MTAP: variants seen among roughly 807,000 people sequenced by gnomAD.
MTAP encodes methylthioadenosine phosphorylase.
A neutral mutation model predicts 33.6 loss-of-function variants in MTAP; 33 were observed. The ratio of observed to expected loss-of-function variants is 0.98; its 90% CI spans 0.74 to 1.31. The LOEUF is 1.31. Among genes scored for constraint, MTAP ranks in the 40% most tolerant of loss-of-function variants. The pLI is 0.00. For missense variants in MTAP, 367 were observed against 360.0 expected (o/e 1.02, Z -0.16); for synonymous variants, 148 against 125.7 (o/e 1.18, Z -1.19).
intron 1 of MTAP, among the ~76,000 whole-genome samples, chr9:21,888,969 G>T (rs982825060): frequency 2.6e-5 from 4 of 152,122 alleles, no homozygotes; most frequent in Non-Finnish European, 5.9e-5. Context: ...AGCTAGAAGA[G>T]AGTGGGGTCC....
At chr9:21,853,324 G>C (rs969388366) in intron 5 of MTAP, among the ~76,000 whole-genome samples, 1 of 152,090 alleles carries the variant, frequency 6.6e-6, no homozygotes, top group African/African-American at 2.4e-5. Context: ...TAGAGATTTA[G>C]GCTTTTGCAT....
chr9:21,940,909 C>T, downstream of MTAP: 1 of 657,512 alleles, frequency 1.5e-6, no homozygotes, highest in Non-Finnish European at 1.9e-6. Flanking sequence ...GCCTTTCTTC[C>T]CCCAACCCCC....
downstream of MTAP, among the ~76,000 whole-genome samples, chr9:21,869,160 A>G (rs1274398015): frequency 1.3e-5 from 2 of 152,050 alleles, no homozygotes; most frequent in African/African-American, 4.8e-5. Context: ...GTGCTGGCTC[A>G]TTTTTAAGCT....
At chr9:21,859,977 T>A (rs887593995) in intron 7 of MTAP, 1 of 152,296 alleles carries the variant, frequency 6.6e-6, no homozygotes, top group Non-Finnish European at 1.5e-5. Flanking sequence ...TTGGGCACTT[T>A]GTGACTCTTC....
At chr9:21,930,523 CCTT>C in intron 1 of MTAP, 1 of 257,772 alleles carries the variant, frequency 3.9e-6, no homozygotes, top group Non-Finnish European at 7.2e-6. Context: ...AATTAATTCC[CCTT>C]CTTATGGGCC....
At chr9:21,919,500 A>G (rs1270270146) in intron 1 of MTAP, among the ~76,000 whole-genome samples, 2 of 152,194 alleles carry the variant, frequency 1.3e-5, no homozygotes, top group East Asian at 3.8e-4. Flanking sequence ...TTTGTAAACC[A>G]CTTTTGGATC....
intron 1 of MTAP, among the ~76,000 whole-genome samples, chr9:21,900,719 A>T (rs1818377455): frequency 6.6e-6 from 1 of 152,366 alleles, no homozygotes; most frequent in East Asian, 1.9e-4. Context: ...ATGCATGCTT[A>T]TGTTCATCAC....
At chr9:21,847,411 G>C (rs2118432011) in intron 5 of MTAP, among the ~76,000 whole-genome samples, 1 of 152,300 alleles carries the variant, frequency 6.6e-6, no homozygotes, top group South Asian at 2.1e-4. Flanking sequence ...GGAGTTGACT[G>C]CTTAATATGA....
At chr9:21,870,225 A>C (rs986734667), downstream of MTAP, among the ~76,000 whole-genome samples, 21 of 152,236 alleles carry the variant, frequency 1.4e-4, no homozygotes, top group Non-Finnish European at 2.8e-4. Flanking sequence ...AAGGACTCTT[A>C]CAAGCACAGC....
At chr9:21,929,591 G>T (rs2188125) in intron 1 of MTAP, 202,400 of 337,438 alleles carry the variant, frequency 0.6, 67,646 homozygotes, top group Non-Finnish European at 0.75. Context: ...TGCTGGTTAT[G>T]TACTAGCTCT....
chr9:21,908,078 G>A (rs1159845437), intron 1 of MTAP, among the ~76,000 whole-genome samples: 2 of 152,096 alleles, frequency 1.3e-5, no homozygotes, highest in Non-Finnish European at 2.9e-5. Context: ...TCACCACAAG[G>A]ATCCCTGAAG....
At chr9:21,882,815 AT>A (rs1818036455) in intron 1 of MTAP, among the ~76,000 whole-genome samples, 5 of 152,056 alleles carry the variant, frequency 3.3e-5, no homozygotes, top group Admixed American at 3.3e-4. Context: ...GTAAAAAATA[AT>A]TTTAAAAATT....
rs773963882 is a variant in MTAP at position 21,802,801 on chromosome 9, C to T, written c.33+20C>T. 14 of 1,612,674 alleles carry T rather than the reference C, an allele frequency of 8.7e-6. No homozygotes were observed. Among genetic ancestry groups the T allele is most frequent in the Non-Finnish European group, 1.2e-5 (14 of 1,179,682 alleles). On this transcript the variant is annotated intron_variant, in intron 1 of 7. Coordinates refer to ENST00000644715, the MANE Select transcript of MTAP (RefSeq NM_002451.4). ...GTGAAGGTGAGATGAGCCCTCCCAG[C>T]CGCAGCGGTTCGCCCTGCCGGATGC...
chr9:21,911,823 AAAATC>A (rs899892193), intron 1 of MTAP, among the ~76,000 whole-genome samples: 57 of 152,334 alleles, frequency 3.7e-4, no homozygotes, highest in African/African-American at 1.3e-3. Context: ...ACCCATCAAA[AAAATC>A]AATGAATCCA....
At chr9:21,882,632 CTT>C (rs112116216) in intron 1 of MTAP, among the ~76,000 whole-genome samples, 4,499 of 151,964 alleles carry the variant, frequency 0.03, 180 homozygotes, top group African/African-American at 0.082. Context: ...AATTATCAAA[CTT>C]GATTAAGTAA....
chr9:21,830,693 C>G (rs557714836), intron 4 of MTAP, among the ~76,000 whole-genome samples: 7 of 152,196 alleles, frequency 4.6e-5, no homozygotes, highest in Non-Finnish European at 1.0e-4. Flanking sequence ...GTATGCACAC[C>G]TGGCTCTCAC....
intron 2 of MTAP, among the ~76,000 whole-genome samples, chr9:21,815,838 A>T (rs995213914): frequency 6.6e-6 from 1 of 152,208 alleles, no homozygotes; most frequent in Non-Finnish European, 1.5e-5. Flanking sequence ...CTACATTCAA[A>T]TCTTCTAATT....
chr9:21,900,381 A>G (rs1818371205), intron 1 of MTAP, among the ~76,000 whole-genome samples: 1 of 152,228 alleles, frequency 6.6e-6, no homozygotes, highest in South Asian at 2.1e-4. Flanking sequence ...TTTCCAAAGA[A>G]GATGTACATG....
chr9:21,852,219 T>C (rs1423203424), intron 5 of MTAP, among the ~76,000 whole-genome samples: 2 of 152,058 alleles, frequency 1.3e-5, no homozygotes, highest in East Asian at 3.9e-4. Flanking sequence ...ATAAGAATGA[T>C]ATAATAGGGC....
Sources: gnomAD v4.1 joint callset for allele counts (sites outside exome capture counted in the v4.1 genomes callset) on GRCh38, gnomAD v4.1.1 for gene constraint, MANE v1.5 for transcripts, NCBI Gene and HGNC (gene_info 2026-07-23, HGNC 2026-07-21) for gene names.